Variants in SNX25 observed in about 807,000 individuals in gnomAD.
SNX25 encodes sorting nexin 25.
Under a neutral mutation model 113.7 loss-of-function variants are expected in SNX25, and 62 were observed. The observed-to-expected ratio is 0.55, with a 90% CI of 0.44 to 0.67. The LOEUF (loss-of-function observed/expected upper bound fraction) is 0.67, where lower values mean the gene tolerates loss of function less well. Among genes scored for constraint, SNX25 ranks in the 30% least tolerant of loss-of-function variants. The pLI is 0.00. For missense variants in SNX25, 1,014 were observed against 1,161.0 expected (o/e 0.87, Z 1.84); for synonymous variants, 421 against 436.2 (o/e 0.97, Z 0.43).
intron 5 of SNX25, among the ~76,000 whole-genome samples, chr4:185,273,031 C>T (rs1051749977): frequency 3.3e-5 from 5 of 152,112 alleles, no homozygotes; most frequent in Admixed American, 1.3e-4. Flanking sequence ...CTTACAGTTG[C>T]GACAAACAAA....
intron 1 of SNX25, among the ~76,000 whole-genome samples, chr4:185,241,127 A>G (rs1357245129): frequency 5.9e-5 from 9 of 151,614 alleles, no homozygotes; most frequent in East Asian, 2.0e-4. Flanking sequence ...CAAGGCAGGC[A>G]GCTGGGAGGT....
At chr4:185,252,061 G>T (rs568880486) in intron 2 of SNX25, among the ~76,000 whole-genome samples, 3 of 151,626 alleles carry the variant, frequency 2.0e-5, no homozygotes, top group Non-Finnish European at 4.4e-5. Flanking sequence ...CTGAAGTTCA[G>T]CATTATATAA....
chr4:185,375,455 CAAAAAAAAAAAAAAAAAAA>C, the SNX25 span, among the ~76,000 whole-genome samples: 1 of 14,770 alleles, frequency 6.8e-5, no homozygotes, highest in South Asian at 8.3e-3. Flanking sequence ...GACTCCGTCT[CAAAAAAAAAAAAAAAAAAA>C]AAAAAAAAAA....
chr4:185,302,839 A>G (rs996099067), intron 6 of SNX25, among the ~76,000 whole-genome samples: 2 of 152,272 alleles, frequency 1.3e-5, no homozygotes, highest in Non-Finnish European at 2.9e-5. Flanking sequence ...CCAGTCCTTG[A>G]ACCTCCAGCA....
At chr4:185,253,997 T>A (rs755197520) in intron 2 of SNX25, among the ~76,000 whole-genome samples, 7 of 152,152 alleles carry the variant, frequency 4.6e-5, no homozygotes, top group Non-Finnish European at 5.9e-5. Flanking sequence ...TTGCAACAGG[T>A]CCTAGGTAAG....
chr4:185,352,498 C>A (rs962505293), intron 14 of SNX25, among the ~76,000 whole-genome samples: 3 of 152,220 alleles, frequency 2.0e-5, no homozygotes, highest in Non-Finnish European at 4.4e-5. Flanking sequence ...CCACCTCTTT[C>A]CTTCATGTGT....
intron 7 of SNX25, among the ~76,000 whole-genome samples, chr4:185,312,322 A>G (rs1458600898): frequency 1.3e-5 from 2 of 152,184 alleles, no homozygotes; most frequent in Non-Finnish European, 2.9e-5. Context: ...ATATGAGATA[A>G]ATACCTAGGA....
rs747482938 is a variant in SNX25 at position 185,288,046 on chromosome 4, A to G, written c.1126A>G (p.Thr376Ala). 3.7e-6 allele frequency: 6 copies of G among 1,613,638 alleles called. 1 individual carries two copies. The highest frequency in any genetic ancestry group is 3.3e-4 in the Middle Eastern group (2 of 6,056). Residue 376 changes from threonine (T) to alanine (A), a missense_variant, in exon 6 of 19, where the codon ACA (threonine) becomes GCA (alanine). By Grantham distance (58) the Thr-to-Ala change is moderately conservative. Coordinates refer to ENST00000652585, the MANE Select transcript of SNX25 (RefSeq NM_001378034.2). ...TGTAGTGGAAATAATCCAGGCGACT[A>G]CAATTAGCAGCTTTCCCCAACTGAA... ...QIVVEIIQAT[T>A]ISSFPQLKRH...
At chr4:185,360,102 A>C (rs1378912986) in intron 16 of SNX25, among the ~76,000 whole-genome samples, 1 of 152,234 alleles carries the variant, frequency 6.6e-6, no homozygotes, top group Non-Finnish European at 1.5e-5. Flanking sequence ...AGTCAGATCT[A>C]AATCAGTAGA....
rs546172352 is a variant in SNX25 at position 185,220,697 on chromosome 4, G to A, written c.429+10442G>A. The stretch of plus-strand genomic sequence containing the variant: ...GGGTTTCACCATGTTAGCCAGGATG[G>A]TCTCGATCTCCTGACCTTGTGATCC... On this transcript the variant is annotated intron_variant, in intron 1 of 18. Coordinates refer to ENST00000652585, the MANE Select transcript of SNX25 (RefSeq NM_001378034.2). Among the ~76,000 whole-genome samples, 4 of 151,992 alleles carry A rather than the reference G, an allele frequency of 2.6e-5. No homozygotes were observed. In the South Asian group the frequency reaches 6.2e-4, roughly 24 times the overall value.
chr4:185,231,543 C>G (rs1486002667), intron 1 of SNX25, among the ~76,000 whole-genome samples: 1 of 151,820 alleles, frequency 6.6e-6, no homozygotes, highest in African/African-American at 2.4e-5. Flanking sequence ...AACCCCGTCT[C>G]TACTAAAAAT....
At chr4:185,276,567 T>C (rs1749709520) in intron 5 of SNX25, among the ~76,000 whole-genome samples, 2 of 152,146 alleles carry the variant, frequency 1.3e-5, no homozygotes, top group Non-Finnish European at 2.9e-5. Context: ...TAAAACAACC[T>C]CAGAGCCAGG....
At chr4:185,353,435 A>G in intron 14 of SNX25, 50 bp from the exon 15 acceptor site, 1 of 1,422,298 alleles carries the variant, frequency 7.0e-7, no homozygotes, top group East Asian at 2.3e-5. Context: ...CAACTCTACC[A>G]ATTTTCTTGG....
chr4:185,351,256 G>A (rs1235381177), intron 13 of SNX25, among the ~76,000 whole-genome samples, 189 bp from the exon 14 acceptor site: 1 of 152,200 alleles, frequency 6.6e-6, no homozygotes, highest in African/African-American at 2.4e-5. Context: ...GGAGGGGATT[G>A]TTTGCCATTA....
At chr4:185,364,154 A>G (rs1420028679), downstream of SNX25, 7 of 152,362 alleles carry the variant, frequency 4.6e-5, no homozygotes, top group Middle Eastern at 3.4e-3. Context: ...ATTTTTAGTG[A>G]GCAGAAAGAG....
intron 6 of SNX25, among the ~76,000 whole-genome samples, chr4:185,295,576 A>G (rs561684109): frequency 5.9e-5 from 9 of 151,626 alleles, no homozygotes; most frequent in African/African-American, 1.9e-4. Context: ...CAGCTTCCCG[A>G]GTAGCTGGGA....
intron 6 of SNX25, among the ~76,000 whole-genome samples, chr4:185,305,541 C>T (rs574569340): frequency 5.3e-5 from 8 of 152,254 alleles, no homozygotes; most frequent in African/African-American, 1.2e-4. Context: ...TAACAGTTGT[C>T]GTTAGATGTT....
intron 10 of SNX25, among the ~76,000 whole-genome samples, chr4:185,336,747 A>G (rs889460967): frequency 2.0e-5 from 3 of 152,146 alleles, no homozygotes; most frequent in African/African-American, 7.2e-5. Context: ...ACTTTTTTCC[A>G]TAGTGGTTGT....
chr4:185,332,038 A>G (rs2095198968), intron 9 of SNX25, among the ~76,000 whole-genome samples: 1 of 152,236 alleles, frequency 6.6e-6, no homozygotes, highest in South Asian at 2.1e-4. Context: ...CAAGTTACAG[A>G]GTTCTTATGA....
Sources: allele counts gnomAD v4.1 joint callset (sites outside exome capture counted in the v4.1 genomes callset), GRCh38; gene constraint gnomAD v4.1.1; transcripts MANE v1.5; gene names NCBI Gene and HGNC (gene_info 2026-07-23, HGNC 2026-07-21).